Variants in KIAA0319L observed in about 807,000 individuals in gnomAD.
KIAA0319L encodes the protein KIAA0319 like, also known as dyslexia-associated protein KIAA0319-like protein.
In KIAA0319L, 55 loss-of-function variants were observed where a neutral mutation model predicts 120.1. That is an observed-to-expected ratio of 0.46 (90% confidence interval 0.37 to 0.57). The LOEUF (loss-of-function observed/expected upper bound fraction) is 0.57, where lower values mean the gene tolerates loss of function less well. Ranked by LOEUF, KIAA0319L falls within the 20% of genes least tolerant of loss-of-function variation. KIAA0319L has a pLI of 0.00. For missense variants in KIAA0319L, 1,049 were observed against 1,255.3 expected, an observed-to-expected ratio of 0.84 and a Z score of 2.48; for synonymous variants, 398 against 471.9, an observed-to-expected ratio of 0.84 and a Z score of 2.03.
chr1:35,524,890 T>C (rs543086954), intron 2 of KIAA0319L, among the ~76,000 whole-genome samples: 10 of 152,322 alleles, frequency 6.6e-5, no homozygotes, highest in Non-Finnish European at 1.2e-4. Context: ...ATACAATACA[T>C]TGTTGTTAAC....
At chr1:35,463,976 T>C (rs1643079455) in intron 7 of KIAA0319L, among the ~76,000 whole-genome samples, 2 of 152,202 alleles carry the variant, frequency 1.3e-5, no homozygotes, top group Admixed American at 6.5e-5. Context: ...TTGCTTCTCC[T>C]TGCCTTCTGC....
In KIAA0319L at chr1:35,554,518, C is replaced by T. The variant is rs779631232; in HGVS notation, c.-27G>A. 1.3e-5 allele frequency: 20 copies of T among 1,553,812 alleles called. No homozygotes were observed. The highest frequency in any genetic ancestry group is 2.3e-5 in the East Asian group (1 of 43,808). ...GCCCTCCAGACAGGCAGAACCAGTACACTAGAAGGACAGAAAGAGAAGAAA... is the reference window on the plus strand; with the variant it reads ...GCCCTCCAGACAGGCAGAACCAGTATACTAGAAGGACAGAAAGAGAAGAAA... On this transcript the variant is annotated splice_region_variant and 5_prime_UTR_variant, in exon 2 of 21. Coordinates refer to ENST00000325722, the MANE Select transcript of KIAA0319L (RefSeq NM_024874.5).
chr1:35,455,573 ATTTTTTTTTTT>A (rs551358599), intron 10 of KIAA0319L, among the ~76,000 whole-genome samples: 6 of 93,468 alleles, frequency 6.4e-5, no homozygotes, highest in Non-Finnish European at 5.8e-5. Flanking sequence ...ATTTAAGATA[ATTTTTTTTTTT>A]TTTTTTTTTT....
intron 3 of KIAA0319L, among the ~76,000 whole-genome samples, chr1:35,492,039 A>G (rs1379636843): frequency 6.6e-6 from 1 of 152,210 alleles, no homozygotes; most frequent in Non-Finnish European, 1.5e-5. Flanking sequence ...CGAAGTACAG[A>G]TGGTTCACTG....
rs1643683160 is a variant in KIAA0319L at position 35,472,480 on chromosome 1, C to G, written c.1016-1520G>C. 2.0e-5 allele frequency among the ~76,000 whole-genome samples: 3 copies of G among 152,292 alleles called. No individual in the cohort carries two copies. The South Asian group carries it at 6.2e-4, about 32-fold the overall frequency. On this transcript the variant is annotated intron_variant, in intron 5 of 20. Transcript: ENST00000325722. ...CTAATTTTTGTATTTTTAGTATAAA[C>G]AGAGTTTCACCATGTTGGCCAAGCT...
intron 16 of KIAA0319L, among the ~76,000 whole-genome samples, chr1:35,446,802 C>T (rs1641656721): frequency 4.6e-5 from 7 of 152,208 alleles, no homozygotes; most frequent in Admixed American, 4.6e-4. Flanking sequence ...CCTAGTGAGA[C>T]TCACCCGTTC....
At chr1:35,555,475 G>A (rs981576299) in intron 1 of KIAA0319L, among the ~76,000 whole-genome samples, 1 of 152,190 alleles carries the variant, frequency 6.6e-6, no homozygotes, top group Non-Finnish European at 1.5e-5. Flanking sequence ...CTAAGGTGCA[G>A]CCCACCCAAG....
chr1:35,526,388 CATAT>C (rs60847372), intron 2 of KIAA0319L, among the ~76,000 whole-genome samples: 20,635 of 127,032 alleles, frequency 0.16, 3,045 homozygotes, highest in East Asian at 0.47. Flanking sequence ...TATATACATA[CATAT>C]ATATATATAT....
At chr1:35,547,186 G>A (rs1174815329) in intron 2 of KIAA0319L, among the ~76,000 whole-genome samples, 5 of 144,212 alleles carry the variant, frequency 3.5e-5, no homozygotes, top group South Asian at 2.2e-4. Flanking sequence ...CATATTATAC[G>A]TGATTATATA....
intron 3 of KIAA0319L, among the ~76,000 whole-genome samples, chr1:35,486,561 A>G (rs1369129880): frequency 6.6e-6 from 1 of 151,396 alleles, no homozygotes; most frequent in Non-Finnish European, 1.5e-5. Flanking sequence ...CTATTTTCCC[A>G]TTTTTAACAT....
intron 2 of KIAA0319L, among the ~76,000 whole-genome samples, chr1:35,549,410 G>A (rs7523017): frequency 0.047 from 7,116 of 152,108 alleles, 232 homozygotes; most frequent in Middle Eastern, 0.071. Context: ...TATTATCCTG[G>A]TGCCTAGTCT....
intron 2 of KIAA0319L, among the ~76,000 whole-genome samples, chr1:35,552,076 G>A (rs1394558809): frequency 6.6e-6 from 1 of 152,096 alleles, no homozygotes; most frequent in East Asian, 1.9e-4. Flanking sequence ...CAGGCATGGT[G>A]GCTCACGCCT....
intron 2 of KIAA0319L, among the ~76,000 whole-genome samples, chr1:35,547,307 T>C (rs1647020674): frequency 6.7e-6 from 1 of 149,416 alleles, no homozygotes; most frequent in South Asian, 2.1e-4. Context: ...TGGAGTGGAA[T>C]TACATATATA....
intron 3 of KIAA0319L, among the ~76,000 whole-genome samples, chr1:35,500,115 TAG>T (rs769307813): frequency 4.4e-4 from 67 of 152,212 alleles, no homozygotes; most frequent in Non-Finnish European, 8.1e-4. Flanking sequence ...ACGATGCTGT[TAG>T]AGAGAACAAC....
In KIAA0319L at chr1:35,557,347, C is replaced by A; in HGVS notation, c.-169G>T. 1 of 286,704 alleles carries A rather than the reference C, an allele frequency of 3.5e-6. No individual in the cohort carries two copies. Among genetic ancestry groups the A allele is most frequent in the Non-Finnish European group, 6.9e-6 (1 of 145,582 alleles). 17.8% of individuals were successfully genotyped at this position (286,704 alleles called of 1,614,324 possible). A position where few individuals can be genotyped will look rare whatever the true frequency, so the allele number is the denominator to read the frequency against. ...GAGGAAGAAGGTAGTGCGGGCTCCC[C>A]ACCCGGACAGCTACCTCTCGCCTCA... On this transcript the variant is annotated 5_prime_UTR_variant, in exon 1 of 21. Transcript: ENST00000325722.
Position 35,450,427 on chromosome 1 carries a change from A to C in KIAA0319L, c.2145T>G (p.Ser715=). 1 of 1,614,148 alleles carries C rather than the reference A, an allele frequency of 6.2e-7. No individual in the cohort carries two copies. Among genetic ancestry groups the C allele is most frequent in the Non-Finnish European group, 8.5e-7 (1 of 1,179,980 alleles). The change falls in exon 14 of 21, where the codon TCT becomes TCG. Residue 715 remains serine (S), a synonymous_variant. Transcript: ENST00000325722. ...LPTSTAELDG[S]KSSDDKGIVS... is the part of the protein sequence containing the mutation. ...CTATTCCCTTGTCATCTGAGGACTT[A>C]GAGCCATCCAGCTCTGCTGTGCTCG...
intron 8 of KIAA0319L, among the ~76,000 whole-genome samples, chr1:35,460,677 A>G (rs1642828666): frequency 6.6e-6 from 1 of 152,226 alleles, no homozygotes; most frequent in Non-Finnish European, 1.5e-5. Flanking sequence ...TTAAAATACT[A>G]CTGTATGAAG....
At chr1:35,514,607 C>T (rs1018898534) in intron 2 of KIAA0319L, among the ~76,000 whole-genome samples, 3 of 152,114 alleles carry the variant, frequency 2.0e-5, no homozygotes, top group Non-Finnish European at 2.9e-5. Context: ...TCAGACAAAA[C>T]AGATTTTAAA....
intron 2 of KIAA0319L, among the ~76,000 whole-genome samples, chr1:35,545,072 G>A (rs747630035): frequency 4.6e-5 from 7 of 152,148 alleles, no homozygotes; most frequent in Non-Finnish European, 8.8e-5. Flanking sequence ...TGAAGAAAGG[G>A]GGCCCCAGAA....
Sources: gnomAD v4.1 joint callset for allele counts (sites outside exome capture counted in the v4.1 genomes callset) on GRCh38, gnomAD v4.1.1 for gene constraint, MANE v1.5 for transcripts, NCBI Gene and HGNC (gene_info 2026-07-23, HGNC 2026-07-21) for gene names.